ROBO2: variants seen among roughly 807,000 people sequenced by gnomAD.
ROBO2 encodes roundabout guidance receptor 2, also known as roundabout homolog 2.
ROBO2 carries 53 observed loss-of-function variants against 160.8 expected under a neutral mutation model. The observed-to-expected ratio is 0.33, with a 90% confidence interval of 0.26 to 0.41. ROBO2 has a LOEUF of 0.41. Among genes scored for constraint, ROBO2 ranks in the 10% least tolerant of loss-of-function variants. The pLI is 1.00. For synonymous variants in ROBO2, 664 were observed against 611.7 expected, an observed-to-expected ratio of 1.09 and a Z score of -1.26; for missense variants, 1,577 against 1,722.4, an observed-to-expected ratio of 0.92 and a Z score of 1.49.
At chr3:77,522,858 A>G (rs988113100) in exon 6 of ROBO2, 1 of 1,609,670 alleles carries the variant, frequency 6.2e-7, no homozygotes, top group Non-Finnish European at 8.5e-7. Context: ...ATTGCTGAGA[A>G]TCGGGTTGGA....
At chr3:76,883,956 A>G (rs1186376492) in intron 2 of ROBO2, among the ~76,000 whole-genome samples, 1 of 152,164 alleles carries the variant, frequency 6.6e-6, no homozygotes, top group Non-Finnish European at 1.5e-5. Flanking sequence ...TACAATGACC[A>G]TTTATATTTT....
chr3:76,564,864 G>A (rs1386424032), intron 2 of ROBO2, among the ~76,000 whole-genome samples: 2 of 151,888 alleles, frequency 1.3e-5, no homozygotes, highest in Admixed American at 6.5e-5. Context: ...GTGGGATTTT[G>A]TCTTTTACAC....
At chr3:76,188,487 T>G (rs958908) in intron 2 of ROBO2, among the ~76,000 whole-genome samples, 148,015 of 152,098 alleles carry the variant, frequency 0.97, 72,152 homozygotes, top group East Asian at 1. Context: ...GACTAAATAG[T>G]ACTCTCCCAC....
At chr3:77,107,440 T>C (rs1215213856) in intron 2 of ROBO2, among the ~76,000 whole-genome samples, 1 of 152,170 alleles carries the variant, frequency 6.6e-6, no homozygotes, top group Non-Finnish European at 1.5e-5. Context: ...GCCCTACACA[T>C]TTGTCGGTTC....
In ROBO2 at chr3:77,607,963, A is replaced by G. The variant is rs1334365257; in HGVS notation, c.3293+9A>G. The G allele has an allele frequency of 6.2e-7, 1 of 1,613,710 alleles. No individual in the cohort carries two copies. The highest frequency in any genetic ancestry group is 1.7e-5 in the Admixed American group (1 of 59,990). On this transcript the variant is annotated intron_variant, in intron 21 of 25. Transcript: ENST00000461745. ...GAACAACAAGAAAATGGGTAAAGATATTTTATATACTAGCAAAATGGCCAG... is the reference window on the plus strand; with the variant it reads ...GAACAACAAGAAAATGGGTAAAGATGTTTTATATACTAGCAAAATGGCCAG...
At chr3:77,262,936 C>T (rs944776580) in intron 2 of ROBO2, among the ~76,000 whole-genome samples, 2 of 152,112 alleles carry the variant, frequency 1.3e-5, no homozygotes, top group African/African-American at 4.8e-5. Context: ...AAACTAAATG[C>T]CACTCTAAAT....
chr3:76,411,498 G>A (rs765474902), intron 2 of ROBO2, among the ~76,000 whole-genome samples: 13 of 151,974 alleles, frequency 8.6e-5, no homozygotes, highest in East Asian at 5.8e-4. Flanking sequence ...ATTTGTGATC[G>A]CTTCTAAATT....
chr3:76,453,024 T>G (rs1420242787), intron 2 of ROBO2, among the ~76,000 whole-genome samples: 1 of 152,186 alleles, frequency 6.6e-6, no homozygotes, highest in Non-Finnish European at 1.5e-5. Context: ...ATGGGGTTGT[T>G]TGTTTTTTTC....
At chr3:76,045,194 T>C (rs2067409999) in intron 2 of ROBO2, among the ~76,000 whole-genome samples, 1 of 152,106 alleles carries the variant, frequency 6.6e-6, no homozygotes, top group South Asian at 2.1e-4. Context: ...CACAGTGCCA[T>C]GTTACATGAT....
At chr3:77,085,313 A>C (rs1210306073) in intron 1 of ROBO2, among the ~76,000 whole-genome samples, 1 of 152,074 alleles carries the variant, frequency 6.6e-6, no homozygotes, top group African/African-American at 2.4e-5. Flanking sequence ...CAACTCCAAA[A>C]TTTTCTATAA....
intron 2 of ROBO2, among the ~76,000 whole-genome samples, chr3:77,221,601 A>G (rs1031382722): frequency 1.3e-5 from 2 of 151,964 alleles, no homozygotes; most frequent in Admixed American, 1.3e-4. Context: ...TCTTCTTGTC[A>G]TGCATCTTAC....
chr3:76,685,192 G>GT (rs57691150), intron 2 of ROBO2, among the ~76,000 whole-genome samples: 1,847 of 128,306 alleles, frequency 0.014, 45 homozygotes, highest in African/African-American at 0.044. Flanking sequence ...GGTTGGTTGT[G>GT]TTTTTTTTTT....
chr3:76,646,993 T>G (rs9871631), intron 2 of ROBO2, among the ~76,000 whole-genome samples: 102,689 of 151,890 alleles, frequency 0.68, 35,455 homozygotes, highest in African/African-American at 0.81. Context: ...AGCCTGGAAA[T>G]GTTAGAACTC....
intron 2 of ROBO2, among the ~76,000 whole-genome samples, chr3:76,449,555 C>T (rs1188148549): frequency 6.6e-6 from 1 of 152,092 alleles, no homozygotes; most frequent in African/African-American, 2.4e-5. Context: ...TGAAGGATTT[C>T]CTAGAGCTGC....
intron 1 of ROBO2, among the ~76,000 whole-genome samples, chr3:75,907,374 C>G (rs565550015): frequency 6.2e-4 from 95 of 152,090 alleles, no homozygotes; most frequent in African/African-American, 2.2e-3. Context: ...CAGAATGTGA[C>G]GGGGCAACCT....
At chr3:76,911,392 C>A (rs1479968750) in intron 2 of ROBO2, among the ~76,000 whole-genome samples, 2 of 152,092 alleles carry the variant, frequency 1.3e-5, no homozygotes, top group African/African-American at 2.4e-5. Flanking sequence ...CATGGCAGTG[C>A]CTTTCAAATT....
At chr3:76,936,119 T>C (rs1244767892) in intron 2 of ROBO2, among the ~76,000 whole-genome samples, 2 of 152,092 alleles carry the variant, frequency 1.3e-5, no homozygotes, top group African/African-American at 4.8e-5. Context: ...ATGTGTACTA[T>C]TAAGATGCAT....
In ROBO2 at chr3:76,583,041, A is replaced by G. The variant is rs193227109; in HGVS notation, c.110-514973A>G. On this transcript the variant is annotated intron_variant, in intron 2 of 26. Transcript: ENST00000487694. ...AAAAAAAAAGCAAGAGAGAAAAAAC[A>G]AACAAAGAAAAACACCTGACTTGTC... Among the ~76,000 whole-genome samples, 452 of 149,598 alleles carry G rather than the reference A, an allele frequency of 3.0e-3. 2 individuals are homozygous for G. Among genetic ancestry groups the G allele is most frequent in the African/African-American group, 0.011 (444 of 39,246 alleles).
chr3:76,194,940 T>A (rs1239018605), intron 2 of ROBO2, among the ~76,000 whole-genome samples: 1 of 152,142 alleles, frequency 6.6e-6, no homozygotes, highest in Non-Finnish European at 1.5e-5. Context: ...TTTTAAAGGT[T>A]GACTTTTGTC....
Sources: allele counts gnomAD v4.1 joint callset (sites outside exome capture counted in the v4.1 genomes callset), GRCh38; gene constraint gnomAD v4.1.1; transcripts MANE v1.5; gene names NCBI Gene and HGNC (gene_info 2026-07-23, HGNC 2026-07-21).